Variants in BUB1B observed in about 807,000 individuals in gnomAD.
BUB1B encodes BUB1 mitotic checkpoint serine/threonine kinase B.
Under a neutral mutation model 137.7 loss-of-function variants are expected in BUB1B, and 86 were observed. The observed-to-expected ratio is 0.62, with a 90% CI of 0.52 to 0.75. The LOEUF (loss-of-function observed/expected upper bound fraction) is 0.75, where lower values mean the gene tolerates loss of function less well. Among genes scored for constraint, BUB1B ranks in the 30% least tolerant of loss-of-function variants. The pLI, the probability that BUB1B is intolerant of heterozygous loss-of-function variation, is 0.00. For synonymous variants in BUB1B, 420 were observed against 417.9 expected (o/e 1.00, Z -0.06); for missense variants, 1,130 against 1,236.9 (o/e 0.91, Z 1.30).
At position 40,218,419 on chromosome 15, in the gene BUB1B, G is replaced by C. The variant is rs143373304; in HGVS notation, c.2851-37G>C. 2.0e-6 allele frequency: 3 copies of C among 1,490,836 alleles called. No individual in the cohort carries two copies. The Admixed American group carries it at 5.1e-5, about 25-fold the overall frequency. The allele number at this position is 1,490,836 out of a possible 1,614,324, so 92.4% of individuals were successfully genotyped here. ...AATAAGCTGCCATGGTAGAGGCAGA[G>C]AATTATTTTAGCTGATGGTGCTTTT... is the stretch of plus-strand genomic sequence containing the variant. On this transcript the variant is annotated intron_variant, in intron 21 of 22. Coordinates refer to ENST00000287598, the MANE Select transcript of BUB1B (RefSeq NM_001211.6).
At chr15:40,170,708 G>T (rs986380322) in intron 4 of BUB1B, 27 bp downstream of exon 4, 2 of 1,607,386 alleles carry the variant, frequency 1.2e-6, no homozygotes, top group Non-Finnish European at 1.7e-6. Flanking sequence ...TGCCATCTGA[G>T]TTTTAAATAT....
chr15:40,181,177 C>T (rs1357947439), intron 5 of BUB1B, among the ~76,000 whole-genome samples: 5 of 151,540 alleles, frequency 3.3e-5, no homozygotes, highest in African/African-American at 4.8e-5. Context: ...CAGCAACCTC[C>T]ACCTCCCGGG....
At position 40,208,717 on chromosome 15, in the gene BUB1B, C is replaced by G; in HGVS notation, c.2090C>G (p.Ser697Cys). The stretch of plus-strand genomic sequence containing the variant: ...TCTGCCTCGGTTGCAAGCACCTCCT[C>G]CATCAAATGTCTTCAAATTCCTGAG... Reference protein sequence around the residue: ...GSSASVASTSSIKCLQIPEKL... With the variant: ...GSSASVASTSCIKCLQIPEKL... The change falls in exon 16 of 23, where the codon TCC becomes TGC. Residue 697 changes from serine (S) to cysteine (C), a missense_variant. Physicochemically the swap from Ser to Cys is moderately radical, Grantham distance 112 (BLOSUM62 -1). Transcript: ENST00000287598. 1 of 1,613,732 alleles carries G rather than the reference C, an allele frequency of 6.2e-7. No homozygotes were observed. The highest frequency in any genetic ancestry group is 1.3e-5 in the African/African-American group (1 of 75,060).
chr15:40,182,285 TGA>T (rs2037304147), intron 5 of BUB1B, among the ~76,000 whole-genome samples: 1 of 152,262 alleles, frequency 6.6e-6, no homozygotes, highest in East Asian at 1.9e-4. Context: ...TTTTTTCCTT[TGA>T]AAGTTGGTCA....
In BUB1B at chr15:40,208,656, C is replaced by G; in HGVS notation, c.2029C>G (p.Arg677Gly). Residue 677 changes from arginine to glycine, a missense_variant, in exon 16 of 23, where the codon CGT (arginine) becomes GGT (glycine). By Grantham distance (125) the Arg-to-Gly change is moderately radical (BLOSUM62 -2). Transcript: ENST00000287598. ...TTTTAGCCCAATTATTGAAGACAGTCGTGAAGCCACACACTCCTCTGGCTT... is the reference window on the plus strand; with the variant it reads ...TTTTAGCCCAATTATTGAAGACAGTGGTGAAGCCACACACTCCTCTGGCTT... ...KKLSPIIEDSREATHSSGFSG... is the reference protein window; with the variant it reads ...KKLSPIIEDSGEATHSSGFSG... The G allele has an allele frequency of 6.2e-7, 1 of 1,613,744 alleles. No homozygotes were observed. The highest frequency in any genetic ancestry group is 1.1e-5 in the South Asian group (1 of 91,068).
At chr15:40,205,515 T>A (rs2037626713) in intron 14 of BUB1B, among the ~76,000 whole-genome samples, 1 of 152,234 alleles carries the variant, frequency 6.6e-6, no homozygotes, top group South Asian at 2.1e-4. Flanking sequence ...CTTTTAGGAA[T>A]TAATCCTAAG....
At position 40,214,573 on chromosome 15, in the gene BUB1B, A is replaced by T. The variant is rs1373061684; in HGVS notation, c.2678+1099A>T. Among the ~76,000 whole-genome samples, 14 of 152,290 alleles carry T rather than the reference A, an allele frequency of 9.2e-5. No individual in the cohort carries two copies. In the East Asian group the frequency reaches 2.5e-3, roughly 27 times the overall value. On this transcript the variant is annotated intron_variant, in intron 20 of 22. Coordinates refer to ENST00000287598, the MANE Select transcript of BUB1B (RefSeq NM_001211.6). ...GGACTTACTCTTTACATTTCTTCTG[A>T]ATACTTAATCTATCAGAAGAGATTG... is the stretch of plus-strand genomic sequence containing the variant.
intron 20 of BUB1B, among the ~76,000 whole-genome samples, chr15:40,216,646 A>G (rs1003489713): frequency 6.7e-6 from 1 of 148,846 alleles, no homozygotes; most frequent in East Asian, 2.0e-4. Flanking sequence ...AGGAAAAATG[A>G]GAGCAATTAT....
intron 8 of BUB1B, among the ~76,000 whole-genome samples, chr15:40,194,168 A>G (rs1322101349): frequency 6.6e-6 from 1 of 151,616 alleles, no homozygotes; most frequent in African/African-American, 2.4e-5. Flanking sequence ...ATTTAATTTT[A>G]TTTTCAGATT....
chr15:40,220,892 CA>C lies in BUB1B; in HGVS notation c.*134del. 1.0e-6 allele frequency: 1 copy of C among 979,526 alleles called. No individual in the cohort carries two copies. Among genetic ancestry groups the C allele is most frequent in the Non-Finnish European group, 1.6e-6 (1 of 627,772 alleles). 60.7% of individuals were successfully genotyped at this position (979,526 alleles called of 1,614,324 possible). A position where few individuals can be genotyped will look rare whatever the true frequency, so the allele number is the denominator to read the frequency against. ...ACCATTGCTGTTCTACTTTTTGGTA[CA>C]GGTATATTTTGACGTCACTGATATT... On this transcript the variant is annotated 3_prime_UTR_variant, in exon 23 of 23. Coordinates refer to ENST00000287598, the MANE Select transcript of BUB1B (RefSeq NM_001211.6).
intron 5 of BUB1B, among the ~76,000 whole-genome samples, chr15:40,180,642 C>CTTTTTTTTTTTTTTTTTTTTTTTTT (rs71132149): frequency 1.5e-5 from 1 of 65,836 alleles, no homozygotes; most frequent in Non-Finnish European, 2.7e-5. Flanking sequence ...TTTTCTTTTT[C>CTTTTTTTTTTTTTTTTTTTTTTTTT]TTTTTTTTTT....
intron 22 of BUB1B, among the ~76,000 whole-genome samples, chr15:40,219,152 C>T (rs1013612677): frequency 5.9e-5 from 9 of 152,060 alleles, no homozygotes; most frequent in African/African-American, 1.7e-4. Flanking sequence ...CCTTGTGATC[C>T]GCCCGCCTCG....
At chr15:40,218,923 A>T (rs1419613968) in intron 22 of BUB1B, among the ~76,000 whole-genome samples, 7 of 151,990 alleles carry the variant, frequency 4.6e-5, no homozygotes, top group Admixed American at 4.6e-4. Context: ...TTATTTATTT[A>T]TTTTTTGAGA....
intron 12 of BUB1B, among the ~76,000 whole-genome samples, chr15:40,201,734 T>G (rs2037572162): frequency 1.3e-5 from 2 of 152,220 alleles, no homozygotes; most frequent in African/African-American, 4.8e-5. Flanking sequence ...TGGCGCGATC[T>G]CAGCTCACTA....
intron 5 of BUB1B, among the ~76,000 whole-genome samples, chr15:40,180,860 G>A (rs1345334493): frequency 6.7e-6 from 1 of 150,364 alleles, no homozygotes; most frequent in Non-Finnish European, 1.5e-5. Context: ...ATGTTAGCCA[G>A]GATGGTCTCA....
At chr15:40,201,103 T>C in intron 12 of BUB1B, 123 bp downstream of exon 12, 1 of 879,202 alleles carries the variant, frequency 1.1e-6, no homozygotes. Flanking sequence ...ATACTAGGAA[T>C]TTAGTATAAG....
intron 8 of BUB1B, among the ~76,000 whole-genome samples, chr15:40,191,824 A>T (rs1480718793): frequency 4.6e-5 from 7 of 150,772 alleles, no homozygotes; most frequent in Non-Finnish European, 3.0e-5. Flanking sequence ...TATTCCATTG[A>T]TCTTTTTGTC....
intron 14 of BUB1B, among the ~76,000 whole-genome samples, chr15:40,202,942 AACAT>A (rs534359959): frequency 8.0e-4 from 122 of 152,376 alleles, no homozygotes; most frequent in Non-Finnish European, 1.3e-3. Flanking sequence ...GAGAAATTAG[AACAT>A]ACATTACTGG....
intron 11 of BUB1B, 29 bp from the exon 12 acceptor site, chr15:40,200,902 C>G (rs760462804): frequency 6.2e-7 from 1 of 1,606,880 alleles, no homozygotes; most frequent in East Asian, 2.2e-5. Flanking sequence ...GGGTATTGAG[C>G]ACATGATTTA....
Sources: allele counts gnomAD v4.1 joint callset (sites outside exome capture counted in the v4.1 genomes callset), GRCh38; gene constraint gnomAD v4.1.1; transcripts MANE v1.5; gene names NCBI Gene and HGNC (gene_info 2026-07-23, HGNC 2026-07-21).